Variants in TMEM220 observed in about 807,000 individuals in gnomAD.
TMEM220 encodes the protein transmembrane protein 220.
In TMEM220, 21 loss-of-function variants were observed where a neutral mutation model predicts 21.7. The ratio of observed to expected loss-of-function variants is 0.97; its 90% confidence interval spans 0.69 to 1.39. TMEM220 has a LOEUF of 1.39. TMEM220 is among the 40% of genes most tolerant of loss of function. The pLI is 0.00. For missense variants in TMEM220, 191 were observed against 201.9 expected (o/e 0.95, Z 0.33); for synonymous variants, 80 against 73.6 (o/e 1.09, Z -0.45).
chr17:10,722,141 C>G (rs1352793116), intron 5 of TMEM220, among the ~76,000 whole-genome samples: 1 of 151,900 alleles, frequency 6.6e-6, no homozygotes, highest in Non-Finnish European at 1.5e-5. Context: ...TACAGGTGAC[C>G]AACACCACGC....
intron 1 of TMEM220, 26 bp from the exon 2 acceptor site, chr17:10,729,086 TAGC>T (rs751257282): frequency 1.2e-6 from 2 of 1,613,956 alleles, no homozygotes; most frequent in East Asian, 4.5e-5. Context: ...ACCAAGGTGT[TAGC>T]AGACATCCTG....
rs1286701295 is a variant in TMEM220, at chr17:10,713,308, A to G, written c.*2145T>C. 6.6e-5 allele frequency: 10 copies of G among 151,704 alleles called. No individual in the cohort carries two copies. Among genetic ancestry groups the G allele is most frequent in the Admixed American group, 6.6e-4 (10 of 15,254 alleles). The allele number at this position is 151,704 out of a possible 1,614,324, so 9.4% of individuals were successfully genotyped here. ...AAAAGATTTTAATAATAGAAATATT[A>G]AATTTAATAATAATACTTAAATTCA... On this transcript the variant is annotated 3_prime_UTR_variant, in exon 6 of 6. Transcript: ENST00000341871.
intron 5 of TMEM220, among the ~76,000 whole-genome samples, chr17:10,721,356 C>G (rs999243603): frequency 2.0e-5 from 3 of 152,038 alleles, no homozygotes; most frequent in Non-Finnish European, 4.4e-5. Context: ...CGCCTGTAAT[C>G]CCAGCACTTT....
At chr17:10,712,046 A>G (rs143013530), downstream of TMEM220, among the ~76,000 whole-genome samples, 491 of 152,330 alleles carry the variant, frequency 3.2e-3, no homozygotes, top group African/African-American at 0.011. Flanking sequence ...TTAAACCAAC[A>G]TATACTTGTT....
intron 5 of TMEM220, among the ~76,000 whole-genome samples, chr17:10,720,570 G>A (rs2074976003): frequency 6.6e-6 from 1 of 152,122 alleles, no homozygotes; most frequent in African/African-American, 2.4e-5. Flanking sequence ...AGGGTCAGGG[G>A]GCTGGAGAAG....
chr17:10,719,698 C>G (rs528189624), intron 5 of TMEM220, among the ~76,000 whole-genome samples: 1 of 152,250 alleles, frequency 6.6e-6, no homozygotes, highest in East Asian at 1.9e-4. Context: ...GACTCCAAAT[C>G]CAGAAGCAAT....
chr17:10,724,579 CAAAA>C (rs11302864), intron 4 of TMEM220: 31 of 128,528 alleles, frequency 2.4e-4, no homozygotes, highest in South Asian at 9.8e-4. Context: ...GACTCCGTTT[CAAAA>C]AAAAAAAAAA....
chr17:10,716,332 T>C (rs2074920700), intron 5 of TMEM220: 12 of 647,842 alleles, frequency 1.9e-5, no homozygotes, highest in South Asian at 1.6e-4. Context: ...AATTATACTC[T>C]TCAGTTCCTC....
chr17:10,716,531 G>T, intron 5 of TMEM220: 1 of 615,704 alleles, frequency 1.6e-6, no homozygotes, highest in South Asian at 1.4e-5. Flanking sequence ...AAAGACAACT[G>T]AGACTGAACT....
chr17:10,729,540 C>T (rs2151484046), intron 1 of TMEM220, among the ~76,000 whole-genome samples: 1 of 152,314 alleles, frequency 6.6e-6, no homozygotes, highest in East Asian at 1.9e-4. Flanking sequence ...GGAAGTTCCA[C>T]GCGCGGAACC....
chr17:10,715,930 T>C (rs1228017634), intron 5 of TMEM220: 2 of 357,596 alleles, frequency 5.6e-6, no homozygotes, highest in East Asian at 1.3e-4. Flanking sequence ...AAGTTTTGTT[T>C]TGCTTTTTTT....
In TMEM220 at chr17:10,726,368, G is replaced by C. The variant is rs979010732; in HGVS notation, c.103-104C>G. 6 of 938,322 alleles carry C rather than the reference G, an allele frequency of 6.4e-6. No individual in the cohort carries two copies. In the African/African-American group the frequency reaches 9.7e-5, roughly 15 times the overall value. 58.1% of individuals were successfully genotyped at this position (938,322 alleles called of 1,614,324 possible). A position where few individuals can be genotyped will look rare whatever the true frequency, so the allele number is the denominator to read the frequency against. ...AAGAAAGATGAGATCAGTGGCTGCTGTGCCCCATGATTTGCCTCTAAGTTT... is the reference window on the plus strand; with the variant it reads ...AAGAAAGATGAGATCAGTGGCTGCTCTGCCCCATGATTTGCCTCTAAGTTT... On this transcript the variant is annotated intron_variant, in intron 2 of 5. Transcript: ENST00000341871.
chr17:10,711,136 C>T, downstream of TMEM220: 2 of 1,600,494 alleles, frequency 1.2e-6, no homozygotes, highest in Non-Finnish European at 1.7e-6. Context: ...AAGAGCCTTC[C>T]ATTGTTAGTC....
intron 5 of TMEM220, among the ~76,000 whole-genome samples, chr17:10,719,692 C>T (rs2074965656): frequency 6.6e-6 from 1 of 152,104 alleles, no homozygotes. Context: ...AACTATGACT[C>T]CAAATCCAGA....
rs1555532851 is a variant in TMEM220 at position 10,716,000 on chromosome 17, T to TAATA, written c.348-413_348-412insTATT. The stretch of plus-strand genomic sequence containing the variant: ...TATAGTTTATAAAAATATACTGCCC[T>TAATA]GACACAAAATGTTCTTGATAATGGT... On this transcript the variant is annotated intron_variant, in intron 5 of 5. Coordinates refer to ENST00000341871, the MANE Select transcript of TMEM220 (RefSeq NM_001004313.3). The TAATA allele has an allele frequency of 8.1e-6, 4 of 493,894 alleles. No individual in the cohort carries two copies. The South Asian group carries it at 8.2e-5, about 10-fold the overall frequency. 30.6% of individuals were successfully genotyped at this position (493,894 alleles called of 1,614,324 possible). A position where few individuals can be genotyped will look rare whatever the true frequency, so the allele number is the denominator to read the frequency against.
downstream of TMEM220, among the ~76,000 whole-genome samples, chr17:10,711,560 C>CACCT (rs2151465889): frequency 6.6e-6 from 1 of 152,302 alleles, no homozygotes; most frequent in East Asian, 1.9e-4. Flanking sequence ...CTGCTCAGAA[C>CACCT]ACCTATACTT....
At chr17:10,724,932 C>A in intron 4 of TMEM220, 79 bp downstream of exon 4, 1 of 1,579,988 alleles carries the variant, frequency 6.3e-7, no homozygotes, top group African/African-American at 1.3e-5. Flanking sequence ...TCATTGTGCA[C>A]AGATGAGGTG....
chr17:10,729,840 C>A lies in TMEM220; in HGVS notation c.12G>T (p.Ala4=), dbSNP rs1407887945. 7.3e-7 allele frequency: 1 copy of A among 1,376,040 alleles called. No individual in the cohort carries two copies. Among genetic ancestry groups the A allele is most frequent in the Non-Finnish European group, 9.5e-7 (1 of 1,056,498 alleles). 85.2% of individuals were successfully genotyped at this position (1,376,040 alleles called of 1,614,324 possible). A position where few individuals can be genotyped will look rare whatever the true frequency, so the allele number is the denominator to read the frequency against. MAP[A]LWRACNGLMA... ...TGAGTCCGTTGCAGGCCCGCCACAG[C>A]GCTGGCGCCATGGCTCGGAGAACAC... Residue 4 remains alanine (A), a synonymous_variant, in exon 1 of 6, where the codon GCG becomes GCT. Coordinates refer to ENST00000341871, the MANE Select transcript of TMEM220 (RefSeq NM_001004313.3).
intron 5 of TMEM220, among the ~76,000 whole-genome samples, chr17:10,718,402 A>G (rs1043878807): frequency 3.9e-5 from 6 of 152,016 alleles, no homozygotes; most frequent in African/African-American, 1.4e-4. Context: ...TAGAGAATCA[A>G]TATTTGACCT....
Sources: allele counts gnomAD v4.1 joint callset (sites outside exome capture counted in the v4.1 genomes callset), GRCh38; gene constraint gnomAD v4.1.1; transcripts MANE v1.5; gene names NCBI Gene and HGNC (gene_info 2026-07-23, HGNC 2026-07-21).